CPLANE1: variants seen among roughly 807,000 people sequenced by gnomAD.
CPLANE1 encodes the protein ciliogenesis and planar polarity effector complex subunit 1.
In CPLANE1, 263 loss-of-function variants were observed where a neutral mutation model predicts 362.5. The observed-to-expected ratio is 0.73, with a 90% CI of 0.66 to 0.80. CPLANE1 has a LOEUF of 0.80. Ranked by LOEUF, CPLANE1 falls within the 30% of genes least tolerant of loss-of-function variation. CPLANE1 has a pLI of 0.00. For synonymous variants in CPLANE1, 1,212 were observed against 1,302.6 expected, an observed-to-expected ratio of 0.93 and a Z score of 1.50; for missense variants, 3,461 against 3,793.4, an observed-to-expected ratio of 0.91 and a Z score of 2.30.
the CPLANE1 span, among the ~76,000 whole-genome samples, chr5:37,088,661 A>T: frequency 6.6e-6 from 1 of 152,226 alleles, no homozygotes; most frequent in African/African-American, 2.4e-5. Flanking sequence ...CAATGCCAGC[A>T]GCTTTCCTCG....
intron 51 of CPLANE1, among the ~76,000 whole-genome samples, chr5:37,108,754 T>C (rs1302517455): frequency 6.6e-6 from 1 of 152,078 alleles, no homozygotes; most frequent in African/African-American, 2.4e-5. Context: ...AACAGAACGG[T>C]GGAGAGGTAT....
chr5:37,246,186 C>G (rs376918217), intron 2 of CPLANE1: 3 of 147,452 alleles, frequency 2.0e-5, no homozygotes, highest in African/African-American at 7.8e-5. Context: ...GCTGAGGTCT[C>G]ACTTTGTTGC....
chr5:37,230,525 G>A (rs1484418382), intron 9 of CPLANE1, among the ~76,000 whole-genome samples: 1 of 151,940 alleles, frequency 6.6e-6, no homozygotes, highest in Non-Finnish European at 1.5e-5. Flanking sequence ...AAATCCATAT[G>A]TCAAGTTAAT....
intron 5 of CPLANE1, among the ~76,000 whole-genome samples, chr5:37,243,421 T>C (rs1331474566): frequency 6.6e-6 from 1 of 151,822 alleles, no homozygotes; most frequent in Non-Finnish European, 1.5e-5. Context: ...ACTATTTAAA[T>C]TAGCACACCA....
At chr5:37,235,057 A>C (rs1192826900) in intron 8 of CPLANE1, among the ~76,000 whole-genome samples, 1 of 152,170 alleles carries the variant, frequency 6.6e-6, no homozygotes, top group Non-Finnish European at 1.5e-5. Context: ...TGACAATATA[A>C]TCTTATATCT....
intron 16 of CPLANE1, among the ~76,000 whole-genome samples, chr5:37,207,177 A>T (rs1390740049): frequency 2.0e-5 from 3 of 152,228 alleles, no homozygotes; most frequent in African/African-American, 4.8e-5. Context: ...AAATGTTATT[A>T]AAAAATACAT....
At position 37,224,586 on chromosome 5, in the gene CPLANE1, G is replaced by C. The variant is rs192335673; in HGVS notation, c.2446C>G (p.Leu816Val). 2.8e-5 allele frequency: 43 copies of C among 1,551,342 alleles called. No individual in the cohort carries two copies. In the Admixed American group the frequency reaches 6.3e-4, roughly 23 times the overall value. ...KSLLCHLQAN[L>V]QSTGDCLNQT... ...TTCAAGCAATCTCCAGTACTCTGTAGGTTAGCCTGCAAATGACATAACAGG... is the reference window on the plus strand; with the variant it reads ...TTCAAGCAATCTCCAGTACTCTGTACGTTAGCCTGCAAATGACATAACAGG... Residue 816 changes from leucine to valine, a missense_variant, in exon 13 of 53, where the codon CTA (leucine) becomes GTA (valine). Around this residue, in one of 2 missense-constraint regions of CPLANE1, gnomAD observed 3,380 missense variants for 3,666.1 expected, o/e 0.92. Coordinates refer to ENST00000651892, the MANE Select transcript of CPLANE1 (RefSeq NM_001384732.1).
chr5:37,220,799 G>A (rs1795203478), intron 15 of CPLANE1, among the ~76,000 whole-genome samples: 1 of 152,194 alleles, frequency 6.6e-6, no homozygotes, highest in Non-Finnish European at 1.5e-5. Context: ...GATTACAGGC[G>A]TGAGCCACTG....
chr5:37,121,787 G>A lies in CPLANE1; in HGVS notation c.9018-3C>T. The A allele has an allele frequency of 6.2e-7, 1 of 1,610,746 alleles. No individual in the cohort carries two copies. The highest frequency in any genetic ancestry group is 8.5e-7 in the Non-Finnish European group (1 of 1,177,338). On this transcript the variant is annotated splice_polypyrimidine_tract_variant and splice_region_variant and intron_variant, in intron 48 of 52. Coordinates refer to ENST00000651892, the MANE Select transcript of CPLANE1 (RefSeq NM_001384732.1). ...TATAGTGTTCAGAGAGCAGCAATCT[G>A]TAGACAAAGAATTAAGCATCATTTA... is the stretch of plus-strand genomic sequence containing the variant.
chr5:37,088,710 C>T, the CPLANE1 span, among the ~76,000 whole-genome samples: 4 of 152,170 alleles, frequency 2.6e-5, no homozygotes, highest in African/African-American at 9.7e-5. Context: ...CTCAGAGCAG[C>T]CACCACAGGG....
chr5:37,238,020 A>C (rs1449888014), intron 8 of CPLANE1, among the ~76,000 whole-genome samples: 1 of 152,124 alleles, frequency 6.6e-6, no homozygotes, highest in Non-Finnish European at 1.5e-5. Context: ...CTCTACAAAA[A>C]ACTTTAAAAA....
In CPLANE1 at chr5:37,209,213, A is replaced by AG. The variant is rs1201504571; in HGVS notation, c.2921-2789dup. Among the ~76,000 whole-genome samples, 1 of 152,260 alleles carries AG rather than the reference A, an allele frequency of 6.6e-6. No homozygotes were observed. The highest frequency in any genetic ancestry group is 2.4e-5 in the African/African-American group (1 of 41,474). The stretch of plus-strand genomic sequence containing the variant: ...TGGGAGTGCAAGGCAGAGAGCGTTC[A>AG]GCACCCTTGTTCCTCCCGACCCCTC... On this transcript the variant is annotated intron_variant, in intron 16 of 52. Coordinates refer to ENST00000651892, the MANE Select transcript of CPLANE1 (RefSeq NM_001384732.1). The surrounding 1 kb of genome is among the most constrained non-coding windows in gnomAD (Gnocchi z 4.6).
Position 37,195,880 on chromosome 5 carries a change from ATCAAGCTTGTGG to A in CPLANE1, c.3777_3788del (p.His1260_Asp1263del), listed in dbSNP as rs566159499. On this transcript the variant is annotated inframe_deletion, in exon 21 of 53. Transcript: ENST00000651892. ...AACCTATTGCTCTAATGGAAACTTC[ATCAAGCTTGTGG>A]TCTCCAGCTGCTCCAGGTCTAAAAA... 65 of 1,612,128 alleles carry A rather than the reference ATCAAGCTTGTGG, an allele frequency of 4.0e-5. No homozygotes were observed. The East Asian group carries it at 1.4e-3, about 34-fold the overall frequency.
chr5:37,089,691 C>A, the CPLANE1 span, among the ~76,000 whole-genome samples: 1 of 152,134 alleles, frequency 6.6e-6, no homozygotes, highest in Non-Finnish European at 1.5e-5. Flanking sequence ...TCAAGATTAG[C>A]CTATAATCAT....
chr5:37,222,688 T>G (rs1369815326), intron 14 of CPLANE1, among the ~76,000 whole-genome samples: 3 of 152,232 alleles, frequency 2.0e-5, no homozygotes, highest in Admixed American at 2.0e-4. Context: ...TGAATGCTGC[T>G]CTTTTCATCC....
Position 37,153,881 on chromosome 5 carries a change from T to C in CPLANE1, c.8232A>G (p.Pro2744=). The C allele has an allele frequency of 1.2e-6, 2 of 1,614,126 alleles. No individual in the cohort carries two copies. The highest frequency in any genetic ancestry group is 1.7e-6 in the Non-Finnish European group (2 of 1,180,018). The change falls in exon 42 of 53, where the codon CCA becomes CCG. Residue 2744 remains proline, a synonymous_variant. Transcript: ENST00000651892. ...LQGVSAACPA[P]SSAAHQLEHL... is the part of the protein sequence containing the mutation. ...GCTCTAGTTGGTGAGCTGCAGAGCTTGGTGCAGGGCAAGCTGCAGAGACAC... is the reference window on the plus strand; with the variant it reads ...GCTCTAGTTGGTGAGCTGCAGAGCTCGGTGCAGGGCAAGCTGCAGAGACAC...
chr5:37,246,106 T>C (rs1739534003), intron 2 of CPLANE1: 2 of 232,826 alleles, frequency 8.6e-6, no homozygotes, highest in Non-Finnish European at 1.6e-5. Context: ...ATTATAGGAG[T>C]GTCCTCTAAT....
intron 44 of CPLANE1, chr5:37,141,343 T>G: frequency 1.0e-6 from 1 of 985,156 alleles, no homozygotes; most frequent in Non-Finnish European, 1.2e-6. Context: ...TTGTCAATCC[T>G]CCCCAGAGAA....
chr5:37,233,208 G>T (rs201991145), intron 8 of CPLANE1, among the ~76,000 whole-genome samples: 4 of 152,128 alleles, frequency 2.6e-5, no homozygotes, highest in African/African-American at 7.2e-5. Flanking sequence ...CTAGATACCA[G>T]GGATCTACAG....
Sources: allele counts gnomAD v4.1 joint callset (sites outside exome capture counted in the v4.1 genomes callset), GRCh38; gene constraint gnomAD v4.1.1; regional missense constraint gnomAD v4.1.1; non-coding constraint Gnocchi (gnomAD v3.1); transcripts MANE v1.5; gene names NCBI Gene and HGNC (gene_info 2026-07-23, HGNC 2026-07-21).